The following ATXN8OS variants were observed in gnomAD, a reference collection of about 807,000 sequenced individuals.
ATXN8OS encodes the protein ATXN8 opposite strand lncRNA.
chr13:70,142,174 G>A (rs374094220), intron 3 of ATXN8OS, among the ~76,000 whole-genome samples: 12 of 152,028 alleles, frequency 7.9e-5, no homozygotes, highest in Non-Finnish European at 1.2e-4. Context: ...ATGAGCCACC[G>A]TGCTTTGAAC....
intron 4 of ATXN8OS, among the ~76,000 whole-genome samples, chr13:70,169,015 AATG>A (rs1889111773): frequency 6.6e-6 from 1 of 152,096 alleles, no homozygotes; most frequent in Non-Finnish European, 1.5e-5. Context: ...TTATTTTTCT[AATG>A]ATGAGAACAG....
intron 2 of ATXN8OS, among the ~76,000 whole-genome samples, chr13:70,124,424 T>G (rs775760439): frequency 1.3e-5 from 2 of 152,034 alleles, no homozygotes; most frequent in African/African-American, 4.8e-5. Context: ...TTAGATACTA[T>G]GGTTAGAGAA....
At chr13:70,139,450 CTTATT>C (rs1160875167) in intron 3 of ATXN8OS, 4 of 688,830 alleles carry the variant, frequency 5.8e-6, no homozygotes, top group East Asian at 5.7e-5. Context: ...AATATATTAT[CTTATT>C]TTACTATTTG....
intron 3 of ATXN8OS, among the ~76,000 whole-genome samples, chr13:70,146,000 C>T (rs1217209543): frequency 7.1e-6 from 1 of 140,570 alleles, no homozygotes; most frequent in East Asian, 2.2e-4. Flanking sequence ...AGAAAATTTT[C>T]ACAACCTACT....
At chr13:70,143,961 C>A (rs879026109) in intron 3 of ATXN8OS, among the ~76,000 whole-genome samples, 4 of 151,780 alleles carry the variant, frequency 2.6e-5, no homozygotes, top group Non-Finnish European at 5.9e-5. Context: ...ATAGCCAAAG[C>A]GGTATGTAAA....
chr13:70,140,890 A>G (rs1328396803), intron 3 of ATXN8OS, among the ~76,000 whole-genome samples: 1 of 152,266 alleles, frequency 6.6e-6, no homozygotes, highest in East Asian at 1.9e-4. Context: ...CAAATAAGCT[A>G]TGGTCAGTAG....
At chr13:70,125,904 G>A (rs771566867) in intron 2 of ATXN8OS, among the ~76,000 whole-genome samples, 3 of 152,062 alleles carry the variant, frequency 2.0e-5, no homozygotes, top group African/African-American at 7.2e-5. Context: ...ACCACCGGGG[G>A]TTGTGGGAGG....
chr13:70,120,342 C>T (rs1040109941), intron 2 of ATXN8OS, among the ~76,000 whole-genome samples: 1 of 152,108 alleles, frequency 6.6e-6, no homozygotes, highest in African/African-American at 2.4e-5. Flanking sequence ...GAGAAATCTG[C>T]TGATGGCCTT....
chr13:70,146,747 C>G (rs983293754), intron 3 of ATXN8OS, among the ~76,000 whole-genome samples: 1 of 136,824 alleles, frequency 7.3e-6, no homozygotes, highest in East Asian at 2.2e-4. Flanking sequence ...GGGAACATCA[C>G]ACTCTGGGAA....
At chr13:70,123,398 G>A (rs1888388481) in intron 2 of ATXN8OS, among the ~76,000 whole-genome samples, 1 of 152,046 alleles carries the variant, frequency 6.6e-6, no homozygotes, top group African/African-American at 2.4e-5. Flanking sequence ...AGTGAATATT[G>A]AGAGTAAATG....
rs1888780978 is a variant in ATXN8OS at position 70,146,019 on chromosome 13, A to T, written n.500-1336A>T. ...AATTTTCACAACCTACTCATCTGAC[A>T]AAGGGCTAATATCCAGAATCTACAA... On this transcript the variant is annotated intron_variant and non_coding_transcript_variant, in intron 3 of 4. Transcript: ENST00000678624. Among the ~76,000 whole-genome samples the T allele has an allele frequency of 2.2e-5, 3 of 139,274 alleles. No homozygotes were observed. In the South Asian group the frequency reaches 7.6e-4, roughly 35 times the overall value. The allele number at this position is 139,274 out of a possible 152,430, so 91.4% of individuals were successfully genotyped here.
intron 1 of ATXN8OS, among the ~76,000 whole-genome samples, chr13:70,111,625 T>C (rs536502083): frequency 2.0e-5 from 3 of 152,302 alleles, no homozygotes; most frequent in South Asian, 2.1e-4. Context: ...AACATGAATT[T>C]TGGAGGGGAC....
At chr13:70,167,081 G>T (rs1217652094) in intron 4 of ATXN8OS, among the ~76,000 whole-genome samples, 1 of 151,928 alleles carries the variant, frequency 6.6e-6, no homozygotes, top group Non-Finnish European at 1.5e-5. Context: ...CTGTAAACTA[G>T]TTCAACCATT....
At chr13:70,150,332 C>T (rs975497545) in intron 4 of ATXN8OS, among the ~76,000 whole-genome samples, 1 of 151,968 alleles carries the variant, frequency 6.6e-6, no homozygotes, top group Admixed American at 6.6e-5. Flanking sequence ...GAAGTATGGT[C>T]AAGTTTGTTT....
intron 1 of ATXN8OS, among the ~76,000 whole-genome samples, chr13:70,112,704 T>C (rs983974164): frequency 2.0e-5 from 3 of 152,066 alleles, no homozygotes; most frequent in Non-Finnish European, 2.9e-5. Flanking sequence ...GGAATTCTTA[T>C]ATAAATTGCT....
chr13:70,165,388 T>C (rs1228420443), intron 4 of ATXN8OS, among the ~76,000 whole-genome samples: 2 of 151,914 alleles, frequency 1.3e-5, no homozygotes, highest in Admixed American at 1.3e-4. Context: ...CATAGTTGTA[T>C]AATCAGTATT....
intron 3 of ATXN8OS, among the ~76,000 whole-genome samples, chr13:70,139,813 G>T (rs1452531848): frequency 6.6e-6 from 1 of 152,062 alleles, no homozygotes; most frequent in Non-Finnish European, 1.5e-5. Flanking sequence ...GTACCTTCTT[G>T]CTTCACTGAC....
At chr13:70,131,142 C>A (rs1888527723) in intron 3 of ATXN8OS, 1 of 398,412 alleles carries the variant, frequency 2.5e-6, no homozygotes, top group Non-Finnish European at 4.4e-6. Flanking sequence ...CACACACATA[C>A]CATAAGCAGG....
intron 3 of ATXN8OS, among the ~76,000 whole-genome samples, chr13:70,140,533 CAA>C (rs58996989): frequency 7.5e-6 from 1 of 133,040 alleles, no homozygotes. Context: ...CACACACACA[CAA>C]AAAAAAAAAA....
Sources: allele counts gnomAD v4.1 joint callset (sites outside exome capture counted in the v4.1 genomes callset), GRCh38; gene constraint gnomAD v4.1.1; transcripts MANE v1.5; gene names NCBI Gene and HGNC (gene_info 2026-07-23, HGNC 2026-07-21).